Variants in HEPH observed in about 807,000 individuals in gnomAD.
HEPH encodes hephaestin.
Under a neutral mutation model 80.8 loss-of-function variants are expected in HEPH, and 69 were observed. The observed-to-expected ratio is 0.85, with a 90% CI of 0.70 to 1.04. The LOEUF is 1.04. Among genes scored for constraint, HEPH ranks in the 50% least tolerant of loss-of-function variants. The probability of loss-of-function intolerance (pLI) is 0.00; values close to 1 mark genes in which losing one functional copy is unlikely to be tolerated. For missense variants in HEPH, 1,115 were observed against 891.3 expected, an observed-to-expected ratio of 1.25 and a Z score of -3.20; for synonymous variants, 431 against 322.8, an observed-to-expected ratio of 1.34 and a Z score of -3.60.
rs773961554 is a variant in HEPH, at chrX:66,172,507, T to A, written c.320T>A (p.Val107Glu). The change falls in exon 3 of 21, where the codon GTG becomes GAG. Residue 107 changes from valine to glutamate, a missense_variant. This residue lies in a region of HEPH where 391 missense variants were observed against 343.6 expected (regional missense o/e 1.14). Coordinates refer to ENST00000343002, the MANE Select transcript of HEPH (RefSeq NM_001367233.3). ...CTGGGGCCAGTGTTGCAGGCTGAAG[T>A]GGGGGATGTCATTCTTATTCACCTG... is the stretch of plus-strand genomic sequence containing the variant. ...GFLGPVLQAEVGDVILIHLKN... is the reference protein window; with the variant it reads ...GFLGPVLQAEEGDVILIHLKN... The A allele has an allele frequency of 4.3e-5, 52 of 1,208,289 alleles. No individual in the cohort carries two copies. The highest frequency in any genetic ancestry group is 5.6e-5 in the Non-Finnish European group (50 of 894,464).
chrX:66,254,258 G>C (rs1164573458), intron 15 of HEPH, among the ~76,000 whole-genome samples: 1 of 111,213 alleles, frequency 9.0e-6, no homozygotes, highest in African/African-American at 3.3e-5. Context: ...TAATTGAAAG[G>C]AGAAGAGGAT....
intron 15 of HEPH, among the ~76,000 whole-genome samples, chrX:66,227,258 C>T (rs745822802): frequency 2.2e-4 from 25 of 111,436 alleles, no homozygotes; most frequent in East Asian, 5.6e-4. Context: ...GCATAGAAGG[C>T]GCATACCTTA....
intron 15 of HEPH, among the ~76,000 whole-genome samples, chrX:66,250,943 G>A (rs927748760): frequency 3.6e-5 from 4 of 112,143 alleles, no homozygotes; most frequent in Non-Finnish European, 5.6e-5. Flanking sequence ...GAGTTTAGTG[G>A]CACAATCTTG....
At chrX:66,216,955 G>A (rs985044990) in intron 15 of HEPH, among the ~76,000 whole-genome samples, 5 of 111,241 alleles carry the variant, frequency 4.5e-5, no homozygotes, top group African/African-American at 1.6e-4. Flanking sequence ...TCAAAGACAA[G>A]GCTTTTAAAT....
At chrX:66,202,049 C>A (rs185286083) in intron 12 of HEPH, among the ~76,000 whole-genome samples, 15 of 111,280 alleles carry the variant, frequency 1.3e-4, no homozygotes, top group African/African-American at 4.9e-4. Flanking sequence ...ATATAAAGTG[C>A]ATTAGAGGTG....
At chrX:66,216,282 C>A (rs1403920144) in intron 15 of HEPH, among the ~76,000 whole-genome samples, 1 of 111,916 alleles carries the variant, frequency 8.9e-6, no homozygotes, top group Non-Finnish European at 1.9e-5. Flanking sequence ...CCAAACAACA[C>A]AAAACCAATG....
At chrX:66,221,657 C>A (rs1414427861) in intron 15 of HEPH, among the ~76,000 whole-genome samples, 2 of 112,740 alleles carry the variant, frequency 1.8e-5, no homozygotes, top group Non-Finnish European at 3.7e-5. Flanking sequence ...TTTTCTCTTT[C>A]TGATACATAG....
intron 4 of HEPH, among the ~76,000 whole-genome samples, chrX:66,186,717 T>G (rs5965109): frequency 0.39 from 43,193 of 110,618 alleles, 9,634 homozygotes; most frequent in African/African-American, 0.86. Flanking sequence ...CGGCCATCTT[T>G]GCTCCTCCTC....
intron 4 of HEPH, among the ~76,000 whole-genome samples, chrX:66,176,724 C>T (rs1569289395): frequency 9.0e-6 from 1 of 110,864 alleles, no homozygotes. Flanking sequence ...TGTTCAATTC[C>T]CACCTATGAT....
chrX:66,174,696 G>T (rs757571181), intron 4 of HEPH, among the ~76,000 whole-genome samples: 33 of 110,327 alleles, frequency 3.0e-4, no homozygotes, highest in African/African-American at 8.6e-4. Flanking sequence ...ATTTTTTTTT[G>T]ATTATGGTCA....
chrX:66,252,307 G>A (rs1425172442), intron 15 of HEPH, among the ~76,000 whole-genome samples: 2 of 111,716 alleles, frequency 1.8e-5, no homozygotes, highest in Non-Finnish European at 3.8e-5. Context: ...GACAAATGGA[G>A]GTGCCAAGAA....
At chrX:66,226,283 G>A (rs1243314684) in intron 15 of HEPH, among the ~76,000 whole-genome samples, 2 of 111,539 alleles carry the variant, frequency 1.8e-5, no homozygotes, top group East Asian at 2.8e-4. Context: ...GTCAATATGA[G>A]GGGTGGTCTC....
chrX:66,227,486 C>A lies in HEPH; in HGVS notation c.2563+19240C>A, dbSNP rs1175590500. 2.7e-5 allele frequency among the ~76,000 whole-genome samples: 3 copies of A among 111,556 alleles called. No individual in the cohort carries two copies. In the Admixed American group the frequency reaches 2.8e-4, roughly 11 times the overall value. ...ATTGGTAAAGAGGAAGTCAAACTGTCACTGTTTGCTGATGACATGATTGTA... is the reference window on the plus strand; with the variant it reads ...ATTGGTAAAGAGGAAGTCAAACTGTAACTGTTTGCTGATGACATGATTGTA... On this transcript the variant is annotated intron_variant, in intron 15 of 20. Coordinates refer to ENST00000343002, the MANE Select transcript of HEPH (RefSeq NM_001367233.3).
chrX:66,237,819 A>G (rs984322794), intron 15 of HEPH, among the ~76,000 whole-genome samples: 2 of 112,301 alleles, frequency 1.8e-5, no homozygotes, highest in African/African-American at 6.5e-5. Flanking sequence ...TGTTGGATGC[A>G]TATATATTTG....
At chrX:66,226,535 G>A (rs1048752411) in intron 15 of HEPH, among the ~76,000 whole-genome samples, 1 of 111,888 alleles carries the variant, frequency 8.9e-6, no homozygotes, top group African/African-American at 3.2e-5. Context: ...AAATAAAATT[G>A]ATAGACCGTT....
At chrX:66,192,060 A>T in intron 6 of HEPH, 70 bp from the exon 7 acceptor site, 1 of 1,033,040 alleles carries the variant, frequency 9.7e-7, no homozygotes, top group Admixed American at 2.4e-5. Flanking sequence ...TAACAGAAGG[A>T]GGAAGGTGAG....
chrX:66,255,043 G>A lies in HEPH; in HGVS notation c.2572G>A (p.Val858Ile), dbSNP rs199680189. 4.2e-6 allele frequency: 5 copies of A among 1,193,438 alleles called. No homozygotes were observed. Among genetic ancestry groups the A allele is most frequent in the Non-Finnish European group, 5.7e-6 (5 of 883,770 alleles). The change falls in exon 16 of 21, where the codon GTC (valine) becomes ATC (isoleucine). Residue 858 changes from valine to isoleucine, a missense_variant. Transcript: ENST00000343002. Reference protein sequence around the residue: ...WPLAAEPGEVVTYQWNIPERS... With the variant: ...WPLAAEPGEVITYQWNIPERS... ...CCTTGTTACACTTCTAGGTGAGGTG[G>A]TCACTTATCAGTGGAACATCCCAGA...
intron 15 of HEPH, among the ~76,000 whole-genome samples, chrX:66,243,009 T>C (rs2090661381): frequency 8.9e-6 from 1 of 112,006 alleles, no homozygotes; most frequent in Admixed American, 9.5e-5. Context: ...GTCTCATTAA[T>C]GGGTATATAA....
chrX:66,166,383 T>C (rs963388829), intron 1 of HEPH, among the ~76,000 whole-genome samples: 3 of 110,494 alleles, frequency 2.7e-5, no homozygotes, highest in Non-Finnish European at 5.7e-5. Flanking sequence ...TTAATAGAGA[T>C]AGGGTTTCTC....
Sources: gnomAD v4.1 joint callset for allele counts (sites outside exome capture counted in the v4.1 genomes callset) on GRCh38, gnomAD v4.1.1 for gene constraint, gnomAD v4.1.1 regional missense constraint, MANE v1.5 for transcripts, NCBI Gene and HGNC (gene_info 2026-07-23, HGNC 2026-07-21) for gene names.